CORIN: variants seen among roughly 807,000 people sequenced by gnomAD.
CORIN encodes the protein corin, serine peptidase.
Under a neutral mutation model 125.3 loss-of-function variants are expected in CORIN, and 117 were observed. The observed-to-expected ratio is 0.93, with a 90% confidence interval of 0.80 to 1.09. The LOEUF (loss-of-function observed/expected upper bound fraction) is 1.09, where lower values mean the gene tolerates loss of function less well. Ranked by LOEUF, CORIN falls within the 50% of genes least tolerant of loss-of-function variation. The pLI is 0.00. For missense variants in CORIN, 1,253 were observed against 1,306.7 expected, an observed-to-expected ratio of 0.96 and a Z score of 0.63; for synonymous variants, 450 against 466.4, an observed-to-expected ratio of 0.96 and a Z score of 0.45.
intron 5 of CORIN, among the ~76,000 whole-genome samples, chr4:47,719,409 C>T (rs952599860): frequency 5.3e-5 from 8 of 152,260 alleles, no homozygotes; most frequent in Admixed American, 1.3e-4. Context: ...GCATAGTTAC[C>T]GCTCCATAAC....
chr4:47,611,234 AT>A (rs1434865889), intron 19 of CORIN, among the ~76,000 whole-genome samples: 1 of 152,092 alleles, frequency 6.6e-6, no homozygotes, highest in Admixed American at 6.6e-5. Context: ...TGAGCATGGA[AT>A]TTTTTTCCAT....
At chr4:47,780,844 T>G (rs562682374) in intron 3 of CORIN, among the ~76,000 whole-genome samples, 1 of 152,226 alleles carries the variant, frequency 6.6e-6, no homozygotes, top group South Asian at 2.1e-4. Context: ...AACTTTAAGA[T>G]GTTAAATATG....
At chr4:47,645,242 T>TGG in intron 13 of CORIN, 48 bp from the exon 14 acceptor site, 1 of 1,138,038 alleles carries the variant, frequency 8.8e-7, no homozygotes, top group Non-Finnish European at 1.3e-6. Context: ...GAATTGAAAA[T>TGG]AATGATAAAT....
At chr4:47,775,408 C>T (rs1049364718) in intron 3 of CORIN, among the ~76,000 whole-genome samples, 1 of 152,052 alleles carries the variant, frequency 6.6e-6, no homozygotes, top group African/African-American at 2.4e-5. Context: ...GTGATGTTCC[C>T]CATCCTGTGT....
chr4:47,837,203 C>T (rs549089634), intron 1 of CORIN, among the ~76,000 whole-genome samples: 2 of 152,330 alleles, frequency 1.3e-5, no homozygotes, highest in East Asian at 3.9e-4. Context: ...AGTTTGCACG[C>T]AGGGACCTAC....
rs762634979 is a variant in CORIN at position 47,683,804 on chromosome 4, G to C, written c.948C>G (p.Gly316=). Residue 316 remains glycine (G), a synonymous_variant, in exon 7 of 22, where the codon GGC becomes GGG. Transcript: ENST00000273857. ...ACACAAGGCTGTAATTAAGGCACTT[G>C]CCTGTGTGACAGTGAAACAGATTCT... The part of the protein sequence containing the change: ...CSENLFHCHT[G]KCLNYSLVCD... 9 of 1,613,498 alleles carry C rather than the reference G, an allele frequency of 5.6e-6. No individual in the cohort carries two copies. The South Asian group carries it at 9.9e-5, about 18-fold the overall frequency.
chr4:47,790,304 G>A, intron 2 of CORIN: 1 of 466,104 alleles, frequency 2.1e-6, no homozygotes, highest in East Asian at 1.5e-4. Flanking sequence ...GCACTGGGAG[G>A]AGCGTGCACT....
chr4:47,730,732 T>C (rs967135931), intron 5 of CORIN, among the ~76,000 whole-genome samples: 4 of 152,198 alleles, frequency 2.6e-5, no homozygotes, highest in Admixed American at 2.0e-4. Flanking sequence ...ACTGGTATTC[T>C]CCCGCAGTTG....
chr4:47,747,243 T>C (rs544971634), intron 4 of CORIN, among the ~76,000 whole-genome samples: 2 of 151,970 alleles, frequency 1.3e-5, no homozygotes, highest in African/African-American at 4.8e-5. Flanking sequence ...AGAAAATAGA[T>C]GAAAAAAACA....
intron 3 of CORIN, among the ~76,000 whole-genome samples, chr4:47,783,676 T>C (rs1180426045): frequency 6.6e-6 from 1 of 152,134 alleles, no homozygotes; most frequent in African/African-American, 2.4e-5. Flanking sequence ...ATAAACTCTC[T>C]GCTCAGTGTT....
chr4:47,777,357 G>T (rs189332701), intron 3 of CORIN, among the ~76,000 whole-genome samples: 176 of 152,282 alleles, frequency 1.2e-3, no homozygotes, highest in Non-Finnish European at 2.0e-3. Context: ...CACTGGCCAG[G>T]CGCGGTGGCT....
At chr4:47,633,021 AT>A (rs1722902346) in intron 16 of CORIN, among the ~76,000 whole-genome samples, 1 of 152,094 alleles carries the variant, frequency 6.6e-6, no homozygotes, top group Non-Finnish European at 1.5e-5. Flanking sequence ...ACCTCAAGTG[AT>A]CCACATGCCT....
intron 21 of CORIN, among the ~76,000 whole-genome samples, chr4:47,598,825 G>A (rs149065075): frequency 6.6e-6 from 1 of 152,218 alleles, no homozygotes; most frequent in South Asian, 2.1e-4. Flanking sequence ...CAGAGAGCCC[G>A]AAACATAATA....
intron 8 of CORIN, chr4:47,679,846 C>T (rs527800046): frequency 4.3e-6 from 1 of 231,844 alleles, no homozygotes; most frequent in Non-Finnish European, 8.4e-6. Context: ...GACAAAGTCA[C>T]AGAAGCATAA....
At chr4:47,612,550 G>C (rs904306024) in intron 19 of CORIN, among the ~76,000 whole-genome samples, 4 of 152,176 alleles carry the variant, frequency 2.6e-5, no homozygotes, top group African/African-American at 9.7e-5. Flanking sequence ...CCGACTGTGA[G>C]ATGTAAACAG....
At chr4:47,801,152 G>T (rs1448776491) in intron 2 of CORIN, among the ~76,000 whole-genome samples, 1 of 152,160 alleles carries the variant, frequency 6.6e-6, no homozygotes, top group Non-Finnish European at 1.5e-5. Context: ...CCTTAGGAAA[G>T]CAACATGTTG....
At chr4:47,726,103 T>C (rs1727582877) in intron 5 of CORIN, among the ~76,000 whole-genome samples, 1 of 152,088 alleles carries the variant, frequency 6.6e-6, no homozygotes, top group East Asian at 1.9e-4. Flanking sequence ...AATCTGACAA[T>C]ACCAAGTACT....
chr4:47,836,109 G>T (rs1550448), intron 1 of CORIN, among the ~76,000 whole-genome samples: 1,807 of 152,134 alleles, frequency 0.012, 34 homozygotes, highest in African/African-American at 0.04. Context: ...TGGTGTCCTG[G>T]AAAGCATTCT....
intron 1 of CORIN, chr4:47,831,624 C>T (rs932749863): frequency 6.6e-6 from 1 of 152,218 alleles, no homozygotes; most frequent in African/African-American, 2.4e-5. Flanking sequence ...ACAGATTGTG[C>T]TTGCACTAAA....
Sources: allele counts gnomAD v4.1 joint callset (sites outside exome capture counted in the v4.1 genomes callset), GRCh38; gene constraint gnomAD v4.1.1; transcripts MANE v1.5; gene names NCBI Gene and HGNC (gene_info 2026-07-23, HGNC 2026-07-21).